Variants in ERGIC1 observed in about 807,000 individuals in gnomAD.
The protein encoded by ERGIC1 is endoplasmic reticulum-Golgi intermediate compartment protein 1.
ERGIC1 carries 19 observed loss-of-function variants against 38.3 expected under a neutral mutation model. The ratio of observed to expected loss-of-function variants is 0.50; its 90% CI spans 0.35 to 0.73. The LOEUF (loss-of-function observed/expected upper bound fraction) is 0.73. Ranked by LOEUF, ERGIC1 falls within the 30% of genes least tolerant of loss-of-function variation. The pLI, the probability that ERGIC1 is intolerant of heterozygous loss-of-function variation, is 0.01. For missense variants in ERGIC1, 294 were observed against 389.2 expected, an observed-to-expected ratio of 0.76 and a Z score of 2.06; for synonymous variants, 124 against 157.6, an observed-to-expected ratio of 0.79 and a Z score of 1.60.
chr5:172,938,751 T>G, intron 9 of ERGIC1, among the ~76,000 whole-genome samples: 1 of 120,332 alleles, frequency 8.3e-6, no homozygotes, highest in African/African-American at 3.3e-5. Context: ...AGACTCTATC[T>G]CAAAAAAAAA....
At chr5:172,889,816 G>A (rs909220844) in intron 2 of ERGIC1, among the ~76,000 whole-genome samples, 1 of 152,166 alleles carries the variant, frequency 6.6e-6, no homozygotes, top group Non-Finnish European at 1.5e-5. Flanking sequence ...TATCAGTTGA[G>A]CATCCCACAT....
chr5:172,946,880 T>A (rs76273983), intron 9 of ERGIC1, among the ~76,000 whole-genome samples: 2 of 69,560 alleles, frequency 2.9e-5, no homozygotes, highest in African/African-American at 1.1e-4. Flanking sequence ...TCTCAGCATT[T>A]TTTTTTTTTT....
At chr5:172,871,280 C>T (rs1260376174) in intron 1 of ERGIC1, among the ~76,000 whole-genome samples, 1 of 152,210 alleles carries the variant, frequency 6.6e-6, no homozygotes, top group African/African-American at 2.4e-5. Context: ...CCAGCTGTAT[C>T]AGCCTCGCTG....
chr5:172,849,167 A>C (rs1761345089), intron 1 of ERGIC1, among the ~76,000 whole-genome samples: 1 of 152,168 alleles, frequency 6.6e-6, no homozygotes, highest in African/African-American at 2.4e-5. Flanking sequence ...TAACAAACCC[A>C]AGCCCTAGCT....
chr5:172,948,370 T>C (rs1201800233), intron 9 of ERGIC1, among the ~76,000 whole-genome samples: 1 of 152,248 alleles, frequency 6.6e-6, no homozygotes, highest in Non-Finnish European at 1.5e-5. Flanking sequence ...CTCCCACCAC[T>C]GGGCACCAGT....
chr5:172,948,040 C>T (rs1319726717), intron 9 of ERGIC1, among the ~76,000 whole-genome samples: 3 of 152,200 alleles, frequency 2.0e-5, no homozygotes, highest in African/African-American at 4.8e-5. Flanking sequence ...TAAACCAGCT[C>T]CCCTGCCGTC....
rs1581561455 is a variant in ERGIC1 at position 172,906,243 on chromosome 5, C to T, written c.156-3424C>T. On this transcript the variant is annotated intron_variant, in intron 3 of 9. Coordinates refer to ENST00000393784, the MANE Select transcript of ERGIC1 (RefSeq NM_001031711.3). Reference sequence around the variant, plus strand: ...GACCAGGGCCCTCCTTCATTTTCTTCCTTGACCCTGATGCTGAGGAGAGGG... The same window carrying T: ...GACCAGGGCCCTCCTTCATTTTCTTTCTTGACCCTGATGCTGAGGAGAGGG... 14 of 451,582 alleles carry T rather than the reference C, an allele frequency of 3.1e-5. 1 individual carries two copies. Among genetic ancestry groups the T allele is most frequent in the South Asian group, 1.7e-4 (11 of 64,250 alleles). The allele number at this position is 451,582 out of a possible 1,614,324, so 28.0% of individuals were successfully genotyped here.
chr5:172,918,453 G>A (rs1763428797), intron 5 of ERGIC1: 1 of 152,388 alleles, frequency 6.6e-6, no homozygotes, highest in Admixed American at 6.5e-5. Context: ...CAGTCACTTC[G>A]AGGTGGGGAG....
At chr5:172,906,691 G>C (rs1455888720) in intron 3 of ERGIC1, among the ~76,000 whole-genome samples, 2 of 152,200 alleles carry the variant, frequency 1.3e-5, no homozygotes, top group Non-Finnish European at 2.9e-5. Flanking sequence ...TCATTGCTTA[G>C]ATAGGGCAGT....
chr5:172,863,089 A>G (rs1188084361), intron 1 of ERGIC1, among the ~76,000 whole-genome samples: 1 of 152,176 alleles, frequency 6.6e-6, no homozygotes, highest in Non-Finnish European at 1.5e-5. Flanking sequence ...AGCAGGGACT[A>G]CAGGTAGCAC....
At chr5:172,916,181 C>T (rs1763360763) in intron 5 of ERGIC1, 1 of 152,448 alleles carries the variant, frequency 6.6e-6, no homozygotes, top group Non-Finnish European at 1.5e-5. Flanking sequence ...TCAGGGCTCC[C>T]TTAAGTGCTA....
At chr5:172,917,723 C>T (rs1763407253) in intron 5 of ERGIC1, 1 of 152,158 alleles carries the variant, frequency 6.6e-6, no homozygotes, top group Admixed American at 6.5e-5. Flanking sequence ...TAAAGTTTAG[C>T]ATTTCCATCT....
chr5:172,887,272 G>T (rs1350247925), intron 1 of ERGIC1, among the ~76,000 whole-genome samples: 1 of 152,218 alleles, frequency 6.6e-6, no homozygotes, highest in Non-Finnish European at 1.5e-5. Flanking sequence ...GTCAAGTTCT[G>T]TCTGAGAGCT....
At position 172,877,458 on chromosome 5, in the gene ERGIC1, A is replaced by ATTTTT. The variant is rs56384349; in HGVS notation, c.21-11227_21-11223dup. 4.4e-3 allele frequency among the ~76,000 whole-genome samples: 377 copies of ATTTTT among 86,590 alleles called. 8 individuals carry two copies. The highest frequency in any genetic ancestry group is 0.016 in the African/African-American group (365 of 23,444). The allele number at this position is 86,590 out of a possible 152,430, so 56.8% of individuals were successfully genotyped here. A position where few individuals can be genotyped will look rare whatever the true frequency, so the allele number is the denominator to read the frequency against. On this transcript the variant is annotated intron_variant, in intron 1 of 9. Coordinates refer to ENST00000393784, the MANE Select transcript of ERGIC1 (RefSeq NM_001031711.3). ...TGTGTGTGTATATATATATATATAT[A>ATTTTT]TTTTTTTTTTTTTTTTTTGAGATGG...
rs567285069 is a variant in ERGIC1 at position 172,910,996 on chromosome 5, G to C, written c.250+1235G>C. ...TGTCTGTTGTCTGAGGTTCTTGGGA[G>C]AATCTAATGCCATGGTCCCTAGACT... is the stretch of plus-strand genomic sequence containing the variant. On this transcript the variant is annotated intron_variant, in intron 4 of 9. Transcript: ENST00000393784. 1.2e-4 allele frequency among the ~76,000 whole-genome samples: 18 copies of C among 152,298 alleles called. No individual in the cohort carries two copies. The South Asian group carries it at 3.7e-3, about 32-fold the overall frequency.
intron 1 of ERGIC1, among the ~76,000 whole-genome samples, chr5:172,859,094 GC>G (rs896095136): frequency 1.3e-5 from 2 of 152,126 alleles, no homozygotes; most frequent in African/African-American, 4.8e-5. Context: ...TCCCCTAAAT[GC>G]CCCTGTGCAC....
rs1210383675 is a variant in ERGIC1, at chr5:172,837,009, G to GGA, written c.20+2581_20+2582dup. 1.3e-5 allele frequency among the ~76,000 whole-genome samples: 2 copies of GGA among 152,160 alleles called. No homozygotes were observed. The highest frequency in any genetic ancestry group is 1.5e-5 in the Non-Finnish European group (1 of 68,018). ...CAAAGCCTTAGATCTGGGAGAAAAG[G>GGA]GAGAGATTGGAGGGGCCCACCATCC... On this transcript the variant is annotated intron_variant, in intron 1 of 9. Transcript: ENST00000393784. The surrounding 1 kb of genome is among the most constrained non-coding windows in gnomAD (Gnocchi z 4.3).
At position 172,897,065 on chromosome 5, in the gene ERGIC1, C is replaced by G. The variant is rs868604280; in HGVS notation, c.146C>G (p.Thr49Arg). Residue 49 changes from threonine (T) to arginine (R), a missense_variant, in exon 3 of 10, where the codon ACG becomes AGG. By Grantham distance (71) the Thr-to-Arg change is moderately conservative. Around this residue, in one of 3 missense-constraint regions of ERGIC1, gnomAD observed 163 missense variants for 225.8 expected, o/e 0.72. Transcript: ENST00000393784. ...CTCTCGGAGCTCACCGGATTTATAA[C>G]GACAGAAGTGTAAGTCATACTTTCC... ...LFLSELTGFITTEVVNELYVD... is the reference protein window; with the variant it reads ...LFLSELTGFIRTEVVNELYVD... The G allele has an allele frequency of 6.8e-6, 11 of 1,613,874 alleles. No individual in the cohort carries two copies. The highest frequency in any genetic ancestry group is 9.3e-6 in the Non-Finnish European group (11 of 1,179,878).
intron 9 of ERGIC1, among the ~76,000 whole-genome samples, chr5:172,940,296 C>T (rs1581588784): frequency 2.0e-5 from 3 of 152,196 alleles, no homozygotes; most frequent in Admixed American, 6.5e-5. Context: ...TGGAGCTTCT[C>T]TCTCTCGGCA....
Sources: gnomAD v4.1 joint callset for allele counts (sites outside exome capture counted in the v4.1 genomes callset) on GRCh38, gnomAD v4.1.1 for gene constraint, gnomAD v4.1.1 regional missense constraint, Gnocchi (gnomAD v3.1) non-coding constraint, MANE v1.5 for transcripts, NCBI Gene and HGNC (gene_info 2026-07-23, HGNC 2026-07-21) for gene names.